Variants in MGST1 observed in about 807,000 individuals in gnomAD.
MGST1 encodes the protein glutathione S-transferase 12.
In MGST1, 5 loss-of-function variants were observed where a neutral mutation model predicts 8.9. That is an observed-to-expected ratio of 0.56 (90% CI 0.29 to 1.19). MGST1 has a LOEUF of 1.19. MGST1 is among the 50% of genes most tolerant of loss of function. The pLI is 0.08. For missense variants in MGST1, 182 were observed against 187.4 expected, an observed-to-expected ratio of 0.97 and a Z score of 0.17; for synonymous variants, 54 against 67.8, an observed-to-expected ratio of 0.80 and a Z score of 1.00.
At chr12:16,465,925 C>T (rs1376999395) in intron 4 of MGST1, among the ~76,000 whole-genome samples, 1 of 152,164 alleles carries the variant, frequency 6.6e-6, no homozygotes. Flanking sequence ...TCCCACACCC[C>T]TTCGACCATT....
At chr12:16,395,804 T>C (rs2160509) in intron 1 of MGST1, among the ~76,000 whole-genome samples, 53,238 of 124,174 alleles carry the variant, frequency 0.43, 12,312 homozygotes, top group East Asian at 0.6. Context: ...TATATATATA[T>C]ACACACACAC....
chr12:16,536,551 T>C (rs1434428687), intron 4 of MGST1, among the ~76,000 whole-genome samples: 3 of 152,190 alleles, frequency 2.0e-5, no homozygotes, highest in African/African-American at 7.2e-5. Flanking sequence ...AACCTTGAAA[T>C]GACAATGTAT....
At position 16,484,872 on chromosome 12, in the gene MGST1, T is replaced by C. The variant is rs574407845; in HGVS notation, n.482+101268T>C. ...ATGTTGTAAGATATTTTGCATCTTA[T>C]AAATTTTTTAATTCTCTTGCGCTTA... On this transcript the variant is annotated intron_variant and non_coding_transcript_variant, in intron 4 of 4. Coordinates refer to the MGST1 transcript ENST00000538857. Among the ~76,000 whole-genome samples, 3 of 152,342 alleles carry C rather than the reference T, an allele frequency of 2.0e-5. No homozygotes were observed. In the South Asian group the frequency reaches 6.2e-4, roughly 32 times the overall value.
rs180776119 is a variant in MGST1 at position 16,495,011 on chromosome 12, C to T, written n.483-94517C>T. Reference sequence around the variant, plus strand: ...AACATTTGTTAAAATTCTGGTTGTACCAAATACGCACCAGCTGTATGGAGT... The same window carrying T: ...AACATTTGTTAAAATTCTGGTTGTATCAAATACGCACCAGCTGTATGGAGT... On this transcript the variant is annotated intron_variant and non_coding_transcript_variant, in intron 4 of 4. Transcript: ENST00000538857. Among the ~76,000 whole-genome samples, 216 of 152,174 alleles carry T rather than the reference C, an allele frequency of 1.4e-3. 1 individual carries two copies. Among genetic ancestry groups the T allele is most frequent in the South Asian group, 8.7e-3 (42 of 4,812 alleles).
At chr12:16,465,936 G>A (rs1410569834) in intron 4 of MGST1, among the ~76,000 whole-genome samples, 3 of 152,072 alleles carry the variant, frequency 2.0e-5, no homozygotes, top group African/African-American at 4.8e-5. Flanking sequence ...TTCGACCATT[G>A]TCCCTTTGGC....
intron 4 of MGST1, among the ~76,000 whole-genome samples, chr12:16,581,428 A>T (rs983501411): frequency 1.3e-5 from 2 of 152,212 alleles, no homozygotes; most frequent in African/African-American, 4.8e-5. Context: ...CACTTAGCAC[A>T]TATATAACTC....
chr12:16,525,579 T>C (rs1274922267), intron 4 of MGST1, among the ~76,000 whole-genome samples: 27 of 143,524 alleles, frequency 1.9e-4, no homozygotes, highest in Non-Finnish European at 9.1e-5. Context: ...GTCTTTGCTA[T>C]TGTGAATAAT....
At chr12:16,429,476 C>T (rs970450130) in intron 1 of MGST1, among the ~76,000 whole-genome samples, 2 of 141,122 alleles carry the variant, frequency 1.4e-5, no homozygotes, top group South Asian at 4.7e-4. Context: ...TCAATCATAT[C>T]TTTTGATTCC....
chr12:16,581,384 T>C (rs1269986808), intron 4 of MGST1, among the ~76,000 whole-genome samples: 1 of 152,190 alleles, frequency 6.6e-6, no homozygotes, highest in East Asian at 1.9e-4. Flanking sequence ...AATACTGTAG[T>C]TCCCAAGGGC....
Position 16,586,034 on chromosome 12 carries a change from A to G in MGST1, n.483-3494A>G, listed in dbSNP as rs1209187827. ...ACTGATGTTTTTGCAGCTGTTAATG[A>G]AAATCTTCAACACAGGAAAACAGCA... is the stretch of plus-strand genomic sequence containing the variant. On this transcript the variant is annotated intron_variant and non_coding_transcript_variant, in intron 4 of 4. Transcript: ENST00000538857. The surrounding 1 kb of genome is among the most constrained non-coding windows in gnomAD (Gnocchi z 4.3). 2.0e-5 allele frequency among the ~76,000 whole-genome samples: 3 copies of G among 152,192 alleles called. No homozygotes were observed. The highest frequency in any genetic ancestry group is 2.0e-4 in the Admixed American group (3 of 15,270).
At chr12:16,351,750 C>T (rs978073986) in intron 1 of MGST1, among the ~76,000 whole-genome samples, 1 of 152,126 alleles carries the variant, frequency 6.6e-6, no homozygotes, top group Non-Finnish European at 1.5e-5. Flanking sequence ...GCAGAGGTTG[C>T]AGTGAGCCAA....
chr12:16,401,266 A>AGG lies in MGST1; in HGVS notation n.778+17663_778+17664dup. Reference sequence around the variant, plus strand: ...TGGCTTTTTCCCCTCCTTGTTAGTCAGGTCTGAGAATCCCAAACTGATGCT... The same window carrying AGG: ...TGGCTTTTTCCCCTCCTTGTTAGTCAGGGGTCTGAGAATCCCAAACTGATGCT... On this transcript the variant is annotated intron_variant and non_coding_transcript_variant, in intron 1 of 1. Transcript: ENST00000359720. The surrounding 1 kb of genome is among the most constrained non-coding windows in gnomAD (Gnocchi z 4.3). The AGG allele has an allele frequency of 6.4e-7, 1 of 1,563,090 alleles. No homozygotes were observed. Among genetic ancestry groups the AGG allele is most frequent in the Non-Finnish European group, 8.8e-7 (1 of 1,136,398 alleles).
intron 4 of MGST1, among the ~76,000 whole-genome samples, chr12:16,484,727 G>A (rs1346891912): frequency 6.6e-6 from 1 of 152,084 alleles, no homozygotes; most frequent in Non-Finnish European, 1.5e-5. Flanking sequence ...GAACAGCAAG[G>A]GGGAAACCAT....
At position 16,401,112 on chromosome 12, in the gene MGST1, C is replaced by G; in HGVS notation, n.778+17508C>G. On this transcript the variant is annotated intron_variant and non_coding_transcript_variant, in intron 1 of 1. Coordinates refer to the MGST1 transcript ENST00000359720. This position sits in a 1 kb window ranked among gnomAD's most constrained non-coding sequence, Gnocchi z 4.3. ...CATCTTTCTCCTCCTCCTCCTTTTC[C>G]TCATCTTCGTTCCTTAGGAAAATAC... The G allele has an allele frequency of 1.3e-6, 2 of 1,581,266 alleles. No individual in the cohort carries two copies. The highest frequency in any genetic ancestry group is 1.7e-6 in the Non-Finnish European group (2 of 1,150,762).
chr12:16,461,886 T>C (rs1313191513), intron 4 of MGST1, among the ~76,000 whole-genome samples: 1 of 152,128 alleles, frequency 6.6e-6, no homozygotes, highest in Admixed American at 6.5e-5. Context: ...CTTTTAATCT[T>C]ACTTGGTTTA....
At chr12:16,347,517 G>A (rs1259588592), upstream of MGST1, 2 of 152,256 alleles carry the variant, frequency 1.3e-5, no homozygotes, top group African/African-American at 4.8e-5. This position sits in a 1 kb window ranked among gnomAD's most constrained non-coding sequence, Gnocchi z 4.0. Flanking sequence ...GGTTACTGTG[G>A]GCGGGTAAAT....
intron 4 of MGST1, among the ~76,000 whole-genome samples, chr12:16,543,446 G>A (rs1941803830): frequency 6.6e-6 from 1 of 151,972 alleles, no homozygotes; most frequent in Admixed American, 6.6e-5. Flanking sequence ...ATCTGTAATT[G>A]TTATTATTTG....
At chr12:16,402,777 A>G (rs1468991269) in intron 1 of MGST1, among the ~76,000 whole-genome samples, 1 of 151,830 alleles carries the variant, frequency 6.6e-6, no homozygotes, top group Admixed American at 6.6e-5. Context: ...TTAAAAACCC[A>G]ACTTTCACTT....
chr12:16,529,456 C>T (rs1941709132), intron 4 of MGST1, among the ~76,000 whole-genome samples: 1 of 151,646 alleles, frequency 6.6e-6, no homozygotes, highest in African/African-American at 2.4e-5. Context: ...AATTAAATAC[C>T]ACCCCTTCAT....
Sources: allele counts gnomAD v4.1 joint callset (sites outside exome capture counted in the v4.1 genomes callset), GRCh38; gene constraint gnomAD v4.1.1; non-coding constraint Gnocchi (gnomAD v3.1); transcripts MANE v1.5; gene names NCBI Gene and HGNC (gene_info 2026-07-23, HGNC 2026-07-21).